Variants in CXCL13 observed in about 807,000 individuals in gnomAD.
CXCL13 encodes C-X-C motif chemokine 13.
A neutral mutation model predicts 12.2 loss-of-function variants in CXCL13; 7 were observed. The observed-to-expected ratio is 0.57, with a 90% confidence interval of 0.33 to 1.07. CXCL13 has a LOEUF of 1.07. Ranked by LOEUF, CXCL13 falls within the 50% of genes least tolerant of loss-of-function variation. The pLI is 0.04. For synonymous variants in CXCL13, 47 were observed against 42.4 expected, an observed-to-expected ratio of 1.11 and a Z score of -0.42; for missense variants, 113 against 127.4, an observed-to-expected ratio of 0.89 and a Z score of 0.55.
At chr4:77,529,075 G>T (rs1219715679) in intron 1 of CXCL13, among the ~76,000 whole-genome samples, 9 of 152,182 alleles carry the variant, frequency 5.9e-5, no homozygotes, top group Non-Finnish European at 1.0e-4. Context: ...GTTTGTCAAA[G>T]ATCAGATGGT....
chr4:77,529,260 A>G (rs936269549), intron 1 of CXCL13, among the ~76,000 whole-genome samples: 12 of 152,162 alleles, frequency 7.9e-5, no homozygotes, highest in African/African-American at 2.2e-4. Flanking sequence ...TTGGCAATGC[A>G]GGCTCTTTTT....
intron 1 of CXCL13, among the ~76,000 whole-genome samples, chr4:77,515,974 T>A (rs1479475644): frequency 6.6e-6 from 1 of 152,236 alleles, no homozygotes; most frequent in Non-Finnish European, 1.5e-5. Flanking sequence ...TGTTTTGAGA[T>A]ATGTCCCTTG....
chr4:77,561,135 G>T (rs1725800776), intron 1 of CXCL13, among the ~76,000 whole-genome samples: 2 of 152,196 alleles, frequency 1.3e-5, no homozygotes, highest in African/African-American at 4.8e-5. Context: ...GGAAAATATT[G>T]TATGATCTAT....
chr4:77,539,680 G>A (rs748192021), intron 1 of CXCL13, among the ~76,000 whole-genome samples: 23 of 152,144 alleles, frequency 1.5e-4, no homozygotes, highest in Non-Finnish European at 2.4e-4. Context: ...GCTTGAACCC[G>A]CTCACCCAAT....
At chr4:77,545,151 C>T (rs888630112) in intron 1 of CXCL13, among the ~76,000 whole-genome samples, 11 of 152,096 alleles carry the variant, frequency 7.2e-5, no homozygotes, top group African/African-American at 2.7e-4. Flanking sequence ...TTACTGTAGC[C>T]TTGTAATATA....
chr4:77,605,880 G>T lies in CXCL13; in HGVS notation c.15G>T (p.Ser5=), dbSNP rs769983573. The part of the protein sequence containing the change: MKFI[S]TSLLLMLLVS... Reference sequence around the variant, plus strand: ...CTCCAGACAGAATGAAGTTCATCTCGACATCTCTGCTTCTCATGCTGCTGG... The same window carrying T: ...CTCCAGACAGAATGAAGTTCATCTCTACATCTCTGCTTCTCATGCTGCTGG... The change falls in exon 1 of 4, where the codon TCG becomes TCT. Residue 5 remains serine, a synonymous_variant. Coordinates refer to ENST00000682537, the MANE Select transcript of CXCL13 (RefSeq NM_001371558.1). The T allele has an allele frequency of 6.2e-7, 1 of 1,605,718 alleles. No homozygotes were observed.
Position 77,570,996 on chromosome 4 carries a change from C to T in CXCL13, c.-42-34828C>T, listed in dbSNP as rs887490171. Among the ~76,000 whole-genome samples the T allele has an allele frequency of 4.6e-5, 7 of 152,144 alleles. 1 individual carries two copies. Among genetic ancestry groups the T allele is most frequent in the African/African-American group, 1.2e-4 (5 of 41,376 alleles). ...CCGAGACTCCCTGACGAATGCCGCT[C>T]CCTGCTCCACGGTGCCCAGTCCCAT... On this transcript the variant is annotated intron_variant, in intron 1 of 4. Coordinates refer to the CXCL13 transcript ENST00000286758.
Position 77,541,449 on chromosome 4 carries a change from C to A in CXCL13, c.-43+29661C>A, listed in dbSNP as rs192110743. 9.3e-4 allele frequency among the ~76,000 whole-genome samples: 142 copies of A among 152,284 alleles called. 2 individuals are homozygous for A. The South Asian group carries it at 0.013, about 14-fold the overall frequency. On this transcript the variant is annotated intron_variant, in intron 1 of 4. Transcript: ENST00000286758. ...GCATATGGCTAGCCAGCTATCCCAG[C>A]ACCATTTATTGAATAGGAAGTCCTT...
At chr4:77,551,304 G>A (rs1241719056) in intron 1 of CXCL13, among the ~76,000 whole-genome samples, 1 of 152,198 alleles carries the variant, frequency 6.6e-6, no homozygotes. Flanking sequence ...CTCTCTTGAA[G>A]GTTGGTCTAG....
At chr4:77,553,892 T>C (rs895313058) in intron 1 of CXCL13, among the ~76,000 whole-genome samples, 7 of 152,188 alleles carry the variant, frequency 4.6e-5, no homozygotes, top group Non-Finnish European at 1.0e-4. Flanking sequence ...ATGTAAGGAC[T>C]ATAGTTAATA....
intron 1 of CXCL13, among the ~76,000 whole-genome samples, chr4:77,550,885 T>C (rs1391715601): frequency 6.6e-6 from 1 of 152,232 alleles, no homozygotes; most frequent in Non-Finnish European, 1.5e-5. Context: ...TGTCCTTTTT[T>C]ACTGTTGTTG....
intron 1 of CXCL13, among the ~76,000 whole-genome samples, chr4:77,563,544 C>G (rs914478283): frequency 6.6e-6 from 1 of 152,186 alleles, no homozygotes; most frequent in Non-Finnish European, 1.5e-5. Flanking sequence ...GAAGAGTAAC[C>G]TTGGCTGCTA....
At position 77,599,403 on chromosome 4, in the gene CXCL13, G is replaced by A. The variant is rs185852401; in HGVS notation, c.-42-6421G>A. 3.3e-5 allele frequency among the ~76,000 whole-genome samples: 5 copies of A among 152,204 alleles called. No homozygotes were observed. The East Asian group carries it at 9.6e-4, about 29-fold the overall frequency. ...ACTATGTAAATAGTTATATTGTTTA[G>A]GGAATAATGACAAGAAAAAAATCTG... On this transcript the variant is annotated intron_variant, in intron 1 of 4. Transcript: ENST00000286758.
intron 1 of CXCL13, among the ~76,000 whole-genome samples, chr4:77,531,191 G>C (rs917499925): frequency 3.3e-5 from 5 of 149,810 alleles, no homozygotes; most frequent in Non-Finnish European, 5.9e-5. Context: ...TGTTACATAT[G>C]TATACATGTG....
Position 77,525,006 on chromosome 4 carries a change from G to A in CXCL13, c.-43+13218G>A, listed in dbSNP as rs183055952. Among the ~76,000 whole-genome samples, 761 of 152,336 alleles carry A rather than the reference G, an allele frequency of 5.0e-3. 7 individuals carry two copies. Among genetic ancestry groups the A allele is most frequent in the Non-Finnish European group, 5.4e-3 (368 of 68,034 alleles). Reference sequence around the variant, plus strand: ...GAAGCTTAATCCCCAATGCAACAGTGTTGGGTGGTGAGGCCTAATAAGTGG... The same window carrying A: ...GAAGCTTAATCCCCAATGCAACAGTATTGGGTGGTGAGGCCTAATAAGTGG... On this transcript the variant is annotated intron_variant, in intron 1 of 4. Transcript: ENST00000286758.
chr4:77,595,389 C>T (rs1311431592), intron 1 of CXCL13, among the ~76,000 whole-genome samples: 3 of 152,130 alleles, frequency 2.0e-5, no homozygotes, highest in Non-Finnish European at 2.9e-5. Flanking sequence ...ATTTCGGTAC[C>T]ACAGACCACA....
chr4:77,601,502 G>C (rs754203510), upstream of CXCL13, among the ~76,000 whole-genome samples: 2 of 152,210 alleles, frequency 1.3e-5, no homozygotes, highest in Non-Finnish European at 2.9e-5. Context: ...TGTGAGGAGA[G>C]TAGGTAAAAA....
intron 1 of CXCL13, among the ~76,000 whole-genome samples, chr4:77,519,309 G>A (rs1208576024): frequency 6.6e-6 from 1 of 152,154 alleles, no homozygotes; most frequent in Non-Finnish European, 1.5e-5. Context: ...GAGAACCACT[G>A]TTCTCTTCAA....
intron 1 of CXCL13, among the ~76,000 whole-genome samples, chr4:77,544,814 C>T (rs953993906): frequency 3.9e-5 from 6 of 152,128 alleles, no homozygotes; most frequent in Admixed American, 2.0e-4. Flanking sequence ...GTCATGAAGT[C>T]CTTGTCCATG....
Sources: allele counts gnomAD v4.1 joint callset (sites outside exome capture counted in the v4.1 genomes callset), GRCh38; gene constraint gnomAD v4.1.1; transcripts MANE v1.5; gene names NCBI Gene and HGNC (gene_info 2026-07-23, HGNC 2026-07-21).